Variants in TRMT2B observed in about 807,000 individuals in gnomAD.
TRMT2B encodes the protein tRNA (uracil-5-)-methyltransferase homolog B.
Under a neutral mutation model 39.7 loss-of-function variants are expected in TRMT2B, and 34 were observed. That is an observed-to-expected ratio of 0.86 (90% CI 0.65 to 1.14). TRMT2B has a LOEUF of 1.14. TRMT2B is among the 50% of genes most tolerant of loss of function. TRMT2B has a pLI of 0.00. For synonymous variants in TRMT2B, 132 were observed against 137.3 expected (o/e 0.96, Z 0.27); for missense variants, 318 against 377.2 (o/e 0.84, Z 1.30).
intron 7 of TRMT2B, among the ~76,000 whole-genome samples, chrX:101,030,507 G>A (rs749015805): frequency 1.1e-5 from 1 of 91,228 alleles, no homozygotes; most frequent in South Asian, 5.1e-4. Flanking sequence ...CTGGAGTGCA[G>A]TGGCGCGAAC....
At chrX:101,048,048 C>T (rs1416276812) in intron 2 of TRMT2B, among the ~76,000 whole-genome samples, 2 of 108,819 alleles carry the variant, frequency 1.8e-5, no homozygotes, top group Non-Finnish European at 3.8e-5. Flanking sequence ...TGCCCTTAAG[C>T]TCTACCTTGG....
chrX:101,001,122 C>T, the TRMT2B span, among the ~76,000 whole-genome samples: 9 of 111,137 alleles, frequency 8.1e-5, no homozygotes, highest in Non-Finnish European at 1.5e-4. Flanking sequence ...TGGTTCACAA[C>T]CTTGACTGCA....
the TRMT2B span, among the ~76,000 whole-genome samples, chrX:100,974,802 C>T: frequency 8.9e-6 from 1 of 111,833 alleles, no homozygotes; most frequent in Non-Finnish European, 1.9e-5. Context: ...TATTAAGGAC[C>T]AATCAAAGAA....
At chrX:100,994,881 C>T in the TRMT2B span, among the ~76,000 whole-genome samples, 1 of 111,589 alleles carries the variant, frequency 9.0e-6, no homozygotes, top group Non-Finnish European at 1.9e-5. Context: ...AGCAATCCTC[C>T]CACCTTGGCA....
the TRMT2B span, among the ~76,000 whole-genome samples, chrX:100,999,796 T>C: frequency 8.9e-6 from 1 of 112,164 alleles, no homozygotes; most frequent in East Asian, 2.8e-4. Flanking sequence ...TGGGGATCTT[T>C]TAAAAATTCA....
At chrX:101,037,366 C>G in intron 5 of TRMT2B, 1 of 287,692 alleles carries the variant, frequency 3.5e-6, no homozygotes. Context: ...ACTCTGCCAT[C>G]ATAGTGCAAA....
intron 10 of TRMT2B, 142 bp downstream of exon 10, chrX:101,020,959 A>G: frequency 1.9e-6 from 1 of 516,599 alleles, no homozygotes. Context: ...ATAAGCAACC[A>G]CACTTGGCTG....
At chrX:101,016,662 T>TC (rs1440782056) in intron 13 of TRMT2B, among the ~76,000 whole-genome samples, 5 of 99,923 alleles carry the variant, frequency 5.0e-5, no homozygotes, top group African/African-American at 1.8e-4. Flanking sequence ...TTTTTTTTTT[T>TC]TGAGACGGAG....
chrX:101,039,806 G>T (rs931628938), intron 4 of TRMT2B, among the ~76,000 whole-genome samples: 1 of 109,581 alleles, frequency 9.1e-6, no homozygotes, highest in Non-Finnish European at 1.9e-5. Flanking sequence ...AGGCTGAGGT[G>T]AGAGGATCCC....
intron 7 of TRMT2B, among the ~76,000 whole-genome samples, chrX:101,030,454 C>CTTTTTTGTTTTTT (rs2087382133): frequency 1.4e-5 from 1 of 71,863 alleles, no homozygotes; most frequent in Non-Finnish European, 2.5e-5. Flanking sequence ...GATCTGCATT[C>CTTTTTTGTTTTTT]TTTTTTTTTT....
chrX:101,045,435 CAAGA>C (rs2088588112), intron 2 of TRMT2B, among the ~76,000 whole-genome samples: 1 of 88,747 alleles, frequency 1.1e-5, no homozygotes, highest in Non-Finnish European at 2.2e-5. Flanking sequence ...GCCTGGGCAA[CAAGA>C]AAGAAACTTC....
chrX:101,025,175 T>C (rs1406375227), intron 7 of TRMT2B, among the ~76,000 whole-genome samples: 1 of 111,957 alleles, frequency 8.9e-6, no homozygotes, highest in Non-Finnish European at 1.9e-5. Context: ...AGAACTTCAG[T>C]TTATTTATGG....
At chrX:101,024,036 C>G (rs1040595368) in intron 7 of TRMT2B, among the ~76,000 whole-genome samples, 2 of 110,529 alleles carry the variant, frequency 1.8e-5, no homozygotes, top group Non-Finnish European at 3.8e-5. Flanking sequence ...TTAGTAGACA[C>G]GAGGTTTCAC....
chrX:100,989,466 C>T, the TRMT2B span, among the ~76,000 whole-genome samples: 40 of 109,963 alleles, frequency 3.6e-4, no homozygotes, highest in East Asian at 2.3e-3. Flanking sequence ...AAAAATTAGT[C>T]GGGCATGGTG....
the TRMT2B span, among the ~76,000 whole-genome samples, chrX:100,977,204 A>T: frequency 9.1e-6 from 1 of 110,246 alleles, no homozygotes; most frequent in Non-Finnish European, 1.9e-5. Context: ...GTACTCCCTC[A>T]CTTACTCTAA....
chrX:100,973,439 G>A, the TRMT2B span, among the ~76,000 whole-genome samples: 9 of 106,999 alleles, frequency 8.4e-5, no homozygotes, highest in African/African-American at 2.0e-4. Context: ...GCTCGCCGGC[G>A]CGGCGGCAAA....
At chrX:101,038,337 C>T (rs2087974311) in intron 4 of TRMT2B, among the ~76,000 whole-genome samples, 1 of 96,234 alleles carries the variant, frequency 1.0e-5, no homozygotes, top group African/African-American at 3.9e-5. Flanking sequence ...CATTGCACTA[C>T]TCCAGCCTGG....
At chrX:100,999,946 A>G in the TRMT2B span, among the ~76,000 whole-genome samples, 50 of 111,491 alleles carry the variant, frequency 4.5e-4, no homozygotes, top group African/African-American at 1.6e-3. Flanking sequence ...ATAGTAGGTG[A>G]AACTCCAAAT....
chrX:101,021,616 G>A (rs1422730037), intron 9 of TRMT2B, among the ~76,000 whole-genome samples: 1 of 110,122 alleles, frequency 9.1e-6, no homozygotes, highest in African/African-American at 3.3e-5. Context: ...GTAACAGAGC[G>A]AGACTCGGTC....
Sources: allele counts gnomAD v4.1 joint callset (sites outside exome capture counted in the v4.1 genomes callset), GRCh38; gene constraint gnomAD v4.1.1; transcripts MANE v1.5; gene names NCBI Gene and HGNC (gene_info 2026-07-23, HGNC 2026-07-21).